Variants in SHANK2 observed in about 807,000 individuals in gnomAD.
The protein encoded by SHANK2 is SH3 and multiple ankyrin repeat domains protein 2.
A neutral mutation model predicts 133.7 loss-of-function variants in SHANK2; 43 were observed. That is an observed-to-expected ratio of 0.32 (90% CI 0.25 to 0.41). The LOEUF (loss-of-function observed/expected upper bound fraction) is 0.41, where lower values mean the gene tolerates loss of function less well. Ranked by LOEUF, SHANK2 falls within the 10% of genes least tolerant of loss-of-function variation. SHANK2 has a pLI of 1.00. For synonymous variants in SHANK2, 1,017 were observed against 952.8 expected, an observed-to-expected ratio of 1.07 and a Z score of -1.24; for missense variants, 1,994 against 2,235.8, an observed-to-expected ratio of 0.89 and a Z score of 2.18.
At chr11:71,240,159 T>C (rs1379973501) in intron 1 of SHANK2, among the ~76,000 whole-genome samples, 1 of 152,126 alleles carries the variant, frequency 6.6e-6, no homozygotes, top group African/African-American at 2.4e-5. Context: ...CTTGTCAGGA[T>C]AGGGATTCTC....
At chr11:70,580,365 G>A (rs1554985147) in intron 17 of SHANK2, among the ~76,000 whole-genome samples, 1 of 152,218 alleles carries the variant, frequency 6.6e-6, no homozygotes, top group African/African-American at 2.4e-5. Flanking sequence ...AGTGTCCAGG[G>A]GGCCACCAGC....
intron 3 of SHANK2, among the ~76,000 whole-genome samples, chr11:71,141,527 A>C (rs1487149228): frequency 6.6e-6 from 1 of 152,126 alleles, no homozygotes; most frequent in Non-Finnish European, 1.5e-5. Context: ...AACAACAACA[A>C]GAAGATGTGA....
At position 70,561,977 on chromosome 11, in the gene SHANK2, C is replaced by T. The variant is rs189254722; in HGVS notation, c.2062-59046G>A. On this transcript the variant is annotated intron_variant, in intron 17 of 25. Coordinates refer to ENST00000601538, the MANE Select transcript of SHANK2 (RefSeq NM_012309.5). ...ACAGACACTTTAGAGGCATTCCACA[C>T]ATTTTGATATGTTGTACTTTCATTT... Among the ~76,000 whole-genome samples the T allele has an allele frequency of 5.3e-4, 81 of 152,330 alleles. 2 individuals carry two copies. Among genetic ancestry groups the T allele is most frequent in the Admixed American group, 2.4e-3 (37 of 15,302 alleles).
chr11:70,846,851 A>G (rs1208064580), intron 11 of SHANK2, among the ~76,000 whole-genome samples: 1 of 152,154 alleles, frequency 6.6e-6, no homozygotes, highest in Admixed American at 6.5e-5. Flanking sequence ...TGCTGTGAGC[A>G]TGAACGAGGT....
At chr11:70,813,818 G>GC (rs1220394167) in intron 12 of SHANK2, among the ~76,000 whole-genome samples, 3 of 152,196 alleles carry the variant, frequency 2.0e-5, no homozygotes, top group Admixed American at 6.5e-5. Flanking sequence ...GTGAAAGTCA[G>GC]CCCGCACCCA....
chr11:70,845,074 C>T (rs1052951806), intron 11 of SHANK2, among the ~76,000 whole-genome samples: 3 of 151,454 alleles, frequency 2.0e-5, no homozygotes, highest in Non-Finnish European at 4.4e-5. Context: ...TGGCACACAC[C>T]TGTAATCCCA....
intron 17 of SHANK2, among the ~76,000 whole-genome samples, chr11:70,511,697 G>A (rs905908464): frequency 1.3e-5 from 2 of 152,162 alleles, no homozygotes; most frequent in Admixed American, 1.3e-4. Flanking sequence ...GCCTGTCCAT[G>A]CATCACCCTT....
chr11:70,700,994 T>A (rs549115647), intron 14 of SHANK2, among the ~76,000 whole-genome samples: 1 of 152,220 alleles, frequency 6.6e-6, no homozygotes, highest in Non-Finnish European at 1.5e-5. Context: ...TAATTGCTAT[T>A]ATTACTTTTA....
chr11:70,504,313 G>A (rs1554967896), intron 17 of SHANK2, among the ~76,000 whole-genome samples: 2 of 126,788 alleles, frequency 1.6e-5, no homozygotes, highest in African/African-American at 2.6e-5. Context: ...ATAGAAGCAG[G>A]TACTGCCTGG....
chr11:70,534,447 G>C (rs2059519029), intron 17 of SHANK2, among the ~76,000 whole-genome samples: 1 of 152,180 alleles, frequency 6.6e-6, no homozygotes, highest in South Asian at 2.1e-4. Context: ...GATGAGATTT[G>C]GGTGGAGATG....
intron 17 of SHANK2, among the ~76,000 whole-genome samples, chr11:70,593,469 T>A (rs782602039): frequency 3.3e-5 from 5 of 152,174 alleles, no homozygotes; most frequent in Non-Finnish European, 5.9e-5. Context: ...GCTGGTGCTG[T>A]TTCATCAGAC....
At chr11:70,837,646 C>T (rs888368868) in intron 11 of SHANK2, among the ~76,000 whole-genome samples, 4 of 152,182 alleles carry the variant, frequency 2.6e-5, no homozygotes, top group Admixed American at 2.6e-4. Flanking sequence ...TTAATCACCA[C>T]TGCATCACCA....
chr11:71,249,244 G>A (rs1448534151), intron 1 of SHANK2, among the ~76,000 whole-genome samples: 2 of 152,110 alleles, frequency 1.3e-5, no homozygotes, highest in Non-Finnish European at 2.9e-5. Flanking sequence ...GAAAAGACCC[G>A]CCTTTGTCTG....
chr11:70,794,727 T>G (rs1289415213), intron 14 of SHANK2, among the ~76,000 whole-genome samples: 1 of 151,996 alleles, frequency 6.6e-6, no homozygotes, highest in Non-Finnish European at 1.5e-5. Context: ...CAGCTAATTT[T>G]TGTATTTTCA....
intron 10 of SHANK2, among the ~76,000 whole-genome samples, chr11:70,906,937 C>T (rs1291451009): frequency 1.3e-5 from 2 of 152,168 alleles, no homozygotes; most frequent in Admixed American, 6.5e-5. Context: ...TGGGGCTTTG[C>T]GAAAACCCCA....
At chr11:71,209,417 G>A (rs782290291) in intron 2 of SHANK2, among the ~76,000 whole-genome samples, 8 of 152,220 alleles carry the variant, frequency 5.3e-5, no homozygotes, top group Admixed American at 1.3e-4. Flanking sequence ...CGGTTCGCAG[G>A]AGCCCAGCCA....
intron 14 of SHANK2, among the ~76,000 whole-genome samples, chr11:70,729,847 T>TA (rs1235502734): frequency 6.7e-6 from 1 of 149,326 alleles, no homozygotes; most frequent in Non-Finnish European, 1.5e-5. Context: ...CTGTGTACTT[T>TA]AAAAATGGGG....
intron 2 of SHANK2, among the ~76,000 whole-genome samples, chr11:71,182,548 T>C (rs1590996112): frequency 6.6e-6 from 1 of 152,178 alleles, no homozygotes; most frequent in African/African-American, 2.4e-5. Context: ...GGCTGGTAGG[T>C]GACCATCTTC....
chr11:70,681,596 G>A (rs1945030459), intron 15 of SHANK2, among the ~76,000 whole-genome samples: 1 of 152,140 alleles, frequency 6.6e-6, no homozygotes, highest in Non-Finnish European at 1.5e-5. Flanking sequence ...CCGGATCCCT[G>A]CTGTACCTCC....
Sources: gnomAD v4.1 joint callset for allele counts (sites outside exome capture counted in the v4.1 genomes callset) on GRCh38, gnomAD v4.1.1 for gene constraint, MANE v1.5 for transcripts, NCBI Gene and HGNC (gene_info 2026-07-23, HGNC 2026-07-21) for gene names.